ALDH16A1: variants seen among roughly 807,000 people sequenced by gnomAD.
ALDH16A1 encodes the protein aldehyde dehydrogenase 16 family member A1, also known as aldehyde dehydrogenase family 16 member A1.
In ALDH16A1, 88 loss-of-function variants were observed where a neutral mutation model predicts 96.1. The ratio of observed to expected loss-of-function variants is 0.92; its 90% CI spans 0.77 to 1.09. The LOEUF is 1.09. Ranked by LOEUF, ALDH16A1 falls within the 50% of genes least tolerant of loss-of-function variation. The pLI, the probability that ALDH16A1 is intolerant of heterozygous loss-of-function variation, is 0.00. For synonymous variants in ALDH16A1, 522 were observed against 496.4 expected (o/e 1.05, Z -0.69); for missense variants, 1,250 against 1,112.6 (o/e 1.12, Z -1.76).
intron 10 of ALDH16A1, 64 bp from the exon 11 acceptor site, chr19:49,464,353 T>C: frequency 6.4e-7 from 1 of 1,564,850 alleles, no homozygotes; most frequent in South Asian, 1.2e-5. Flanking sequence ...CGCCTTTAAC[T>C]CACCCCTCTC....
chr19:49,468,681 G>A lies in ALDH16A1; in HGVS notation c.2124+115G>A. The A allele has an allele frequency of 7.1e-7, 1 of 1,410,158 alleles. No individual in the cohort carries two copies. The highest frequency in any genetic ancestry group is 9.6e-7 in the Non-Finnish European group (1 of 1,042,028). 87.4% of individuals were successfully genotyped at this position (1,410,158 alleles called of 1,614,324 possible). On this transcript the variant is annotated intron_variant, in intron 15 of 16. Coordinates refer to ENST00000293350, the MANE Select transcript of ALDH16A1 (RefSeq NM_153329.4). The surrounding 1 kb of genome is among the most constrained non-coding windows in gnomAD (Gnocchi z 4.4). Reference sequence around the variant, plus strand: ...CCCCACCCTCCGTGGTACCCATGCTGCCCCCAGCCCCAGCACCCAAACCTT... The same window carrying A: ...CCCCACCCTCCGTGGTACCCATGCTACCCCCAGCCCCAGCACCCAAACCTT...
rs948679603 is a variant in ALDH16A1 at position 49,461,788 on chromosome 19, C to T, written c.747C>T (p.Cys249=). The T allele has an allele frequency of 6.2e-6, 10 of 1,610,570 alleles. No individual in the cohort carries two copies. The highest frequency in any genetic ancestry group is 8.5e-6 in the Non-Finnish European group (10 of 1,178,552). The change falls in exon 6 of 17, where the codon TGC becomes TGT. Residue 249 remains cysteine (C), a synonymous_variant. Transcript: ENST00000293350. ...SQPGIRKVAF[C]GAPEEGRALR... ...CTGGAATCCGGAAGGTGGCCTTCTG[C>T]GGAGCCCCGGAGGTACCTTCGGGAC... is the stretch of plus-strand genomic sequence containing the variant.
chr19:49,468,500 C>T lies in ALDH16A1; in HGVS notation c.2058C>T (p.Ala686=), dbSNP rs142507085. The change falls in exon 15 of 17, where the codon GCC becomes GCT. Residue 686 remains alanine, a synonymous_variant. Transcript: ENST00000293350. This position sits in a 1 kb window ranked among gnomAD's most constrained non-coding sequence, Gnocchi z 4.4. ...AFVSLLAPAL[A]YGNTVVMVPS... is the part of the protein sequence containing the mutation. ...TGTCCCTGCTGGCTCCCGCCCTGGC[C>T]TACGGCAACACTGTGGTCATGGTGC... 9 of 1,603,814 alleles carry T rather than the reference C, an allele frequency of 5.6e-6. No homozygotes were observed. Among genetic ancestry groups the T allele is most frequent in the Non-Finnish European group, 7.6e-6 (9 of 1,179,918 alleles).
rs752617351 is a variant in ALDH16A1, at chr19:49,460,848, A to G, written c.526A>G (p.Thr176Ala). Residue 176 changes from threonine to alanine, a missense_variant, in exon 5 of 17, where the codon ACA becomes GCA. Physicochemically the swap from Thr to Ala is moderately conservative, Grantham distance 58. Coordinates refer to ENST00000293350, the MANE Select transcript of ALDH16A1 (RefSeq NM_153329.4). ...MGVIGLILPP[T>A]FSFLEMMWRI... ...AGTAATTGGCCTCATCCTGCCACCC[A>G]CATTCTCCTTCCTTGAGATGATGTG... is the stretch of plus-strand genomic sequence containing the variant. The G allele has an allele frequency of 8.1e-6, 13 of 1,612,662 alleles. No homozygotes were observed. In the East Asian group the frequency reaches 2.2e-4, roughly 28 times the overall value.
chr19:49,465,240 G>C (rs2122412267), intron 12 of ALDH16A1, among the ~76,000 whole-genome samples: 1 of 151,886 alleles, frequency 6.6e-6, no homozygotes, highest in African/African-American at 2.4e-5. Flanking sequence ...TCCTCCAGAG[G>C]CTCATGGGAG....
chr19:49,461,091 C>CT (rs1308655218), intron 5 of ALDH16A1, among the ~76,000 whole-genome samples, 192 bp downstream of exon 5: 1 of 147,304 alleles, frequency 6.8e-6, no homozygotes, highest in Non-Finnish European at 1.5e-5. Context: ...ACTCCTGAGT[C>CT]TGAGGGAGGA....
chr19:49,455,508 G>C (rs1202143950), intron 1 of ALDH16A1, among the ~76,000 whole-genome samples: 1 of 150,420 alleles, frequency 6.6e-6, no homozygotes, highest in Non-Finnish European at 1.5e-5. Context: ...CCGGGAGGCT[G>C]AGGTGGGAGG....
rs776606895 is a variant in ALDH16A1 at position 49,464,468 on chromosome 19, G to A, written c.1383G>A (p.Ser461=). ...WINAHGLRDP[S]VPTGGCKESG... ...ACGCCCACGGCCTCAGAGACCCTTCGGTGCCCACAGGCGGCTGCAAGGAGA... is the reference window on the plus strand; with the variant it reads ...ACGCCCACGGCCTCAGAGACCCTTCAGTGCCCACAGGCGGCTGCAAGGAGA... Residue 461 remains serine, a synonymous_variant, in exon 11 of 17, where the codon TCG becomes TCA. Coordinates refer to ENST00000293350, the MANE Select transcript of ALDH16A1 (RefSeq NM_153329.4). 8.1e-6 allele frequency: 13 copies of A among 1,612,226 alleles called. No homozygotes were observed. The East Asian group carries it at 1.6e-4, about 19-fold the overall frequency.
chr19:49,468,658 C>G lies in ALDH16A1; in HGVS notation c.2124+92C>G. Reference sequence around the variant, plus strand: ...AGTCGGCAGGAGCTTGTCTCTTACCCCACCCTCCGTGGTACCCATGCTGCC... The same window carrying G: ...AGTCGGCAGGAGCTTGTCTCTTACCGCACCCTCCGTGGTACCCATGCTGCC... On this transcript the variant is annotated intron_variant, in intron 15 of 16. Transcript: ENST00000293350. The surrounding 1 kb of genome is among the most constrained non-coding windows in gnomAD (Gnocchi z 4.4). The G allele has an allele frequency of 6.7e-7, 1 of 1,494,656 alleles. No individual in the cohort carries two copies. Among genetic ancestry groups the G allele is most frequent in the Non-Finnish European group, 9.0e-7 (1 of 1,106,906 alleles). The allele number at this position is 1,494,656 out of a possible 1,614,324, so 92.6% of individuals were successfully genotyped here. A position where few individuals can be genotyped will look rare whatever the true frequency, so the allele number is the denominator to read the frequency against.
chr19:49,461,869 G>A lies in ALDH16A1; in HGVS notation c.760-15G>A, dbSNP rs187190066. ...GCAAGGCTCCTCCTGCGGCTGAACT[G>A]GGGGGGGTCCCTAGGAAGGGCGTGC... On this transcript the variant is annotated splice_polypyrimidine_tract_variant and intron_variant, in intron 6 of 16. Coordinates refer to ENST00000293350, the MANE Select transcript of ALDH16A1 (RefSeq NM_153329.4). The A allele has an allele frequency of 6.4e-7, 1 of 1,571,364 alleles. No individual in the cohort carries two copies. The highest frequency in any genetic ancestry group is 8.6e-7 in the Non-Finnish European group (1 of 1,162,294).
chr19:49,462,094 A>C, intron 7 of ALDH16A1, 58 bp downstream of exon 7: 4 of 1,472,234 alleles, frequency 2.7e-6, no homozygotes, highest in Non-Finnish European at 3.6e-6. Context: ...GTCTGTCTCC[A>C]GTCTTCGGGG....
At position 49,465,133 on chromosome 19, in the gene ALDH16A1, C is replaced by A. The variant is rs561906253; in HGVS notation, c.1568+371C>A. ...CTCATGGGAGCAGGAGTTTGAGGTC[C>A]CCCCAGAGACTCAAGGGAGCAGTTT... On this transcript the variant is annotated intron_variant, in intron 12 of 16. Transcript: ENST00000293350. Among the ~76,000 whole-genome samples the A allele has an allele frequency of 2.7e-5, 4 of 150,620 alleles. No homozygotes were observed. The South Asian group carries it at 8.4e-4, about 32-fold the overall frequency.
Position 49,468,359 on chromosome 19 carries a change from C to T in ALDH16A1, c.1939-22C>T, listed in dbSNP as rs772248287. 1.1e-5 allele frequency: 17 copies of T among 1,594,846 alleles called. No individual in the cohort carries two copies. The highest frequency in any genetic ancestry group is 1.3e-5 in the African/African-American group (1 of 74,780). On this transcript the variant is annotated intron_variant, in intron 14 of 16. Transcript: ENST00000293350. The surrounding 1 kb of genome is among the most constrained non-coding windows in gnomAD (Gnocchi z 4.4). The stretch of plus-strand genomic sequence containing the variant: ...GCGGGCGGGGCTCCCCTGCCCCACA[C>T]GTGACCCACCTGTCCCTGCAGGTAG...
Position 49,468,595 on chromosome 19 carries a change from T to C in ALDH16A1, c.2124+29T>C. 2 of 1,597,444 alleles carry C rather than the reference T, an allele frequency of 1.3e-6. No homozygotes were observed. The highest frequency in any genetic ancestry group is 1.7e-6 in the Non-Finnish European group (2 of 1,177,166). ...TAGCCCCCTGCCTTCCTGCCTCTCC[T>C]CCCCGTAGCCTCAGGGCAGCAGAAA... On this transcript the variant is annotated intron_variant, in intron 15 of 16. Coordinates refer to ENST00000293350, the MANE Select transcript of ALDH16A1 (RefSeq NM_153329.4). This position sits in a 1 kb window ranked among gnomAD's most constrained non-coding sequence, Gnocchi z 4.4.
Position 49,471,031 on chromosome 19 carries a change from A to G in ALDH16A1, c.*564A>G, listed in dbSNP as rs1360816642. The G allele has an allele frequency of 6.6e-6, 1 of 152,168 alleles. No individual in the cohort carries two copies. The highest frequency in any genetic ancestry group is 1.5e-5 in the Non-Finnish European group (1 of 68,036). 9.4% of individuals were successfully genotyped at this position (152,168 alleles called of 1,614,324 possible). Reference sequence around the variant, plus strand: ...ATGCAGTAAAGGAACTCTCTGGAATAAAATTAAAGTCCTCCTATATGACTT... The same window carrying G: ...ATGCAGTAAAGGAACTCTCTGGAATGAAATTAAAGTCCTCCTATATGACTT... On this transcript the variant is annotated 3_prime_UTR_variant, in exon 17 of 17. Coordinates refer to ENST00000293350, the MANE Select transcript of ALDH16A1 (RefSeq NM_153329.4).
At chr19:49,461,036 C>T (rs1215090967) in intron 5 of ALDH16A1, 137 bp downstream of exon 5, 18 of 845,522 alleles carry the variant, frequency 2.1e-5, no homozygotes, top group South Asian at 1.1e-4. Flanking sequence ...GGAGGGGCTG[C>T]GGGTCTGAAC....
intron 2 of ALDH16A1, 38 bp from the exon 3 acceptor site, chr19:49,458,922 T>C (rs774421217): frequency 1.2e-4 from 185 of 1,599,352 alleles, no homozygotes; most frequent in Non-Finnish European, 1.4e-4. Flanking sequence ...TGACATGGGC[T>C]ACTCCTCCCA....
rs1213458951 is a variant in ALDH16A1 at position 49,464,424 on chromosome 19, G to A, written c.1339G>A (p.Val447Met). The A allele has an allele frequency of 6.2e-7, 1 of 1,601,516 alleles. No homozygotes were observed. The highest frequency in any genetic ancestry group is 2.3e-5 in the East Asian group (1 of 44,406). ...CCTTCATCTTCCCCACAGGCTCCAGGTGGGCACTGTCTGGATCAACGCCCA... is the reference window on the plus strand; with the variant it reads ...CCTTCATCTTCCCCACAGGCTCCAGATGGGCACTGTCTGGATCAACGCCCA... ...QALELGYGLQ[V>M]GTVWINAHGL... Residue 447 changes from valine (V) to methionine (M), a missense_variant, in exon 11 of 17, where the codon GTG (valine) becomes ATG (methionine). Transcript: ENST00000293350.
At chr19:49,456,846 G>A (rs1897588327) in intron 1 of ALDH16A1, among the ~76,000 whole-genome samples, 1 of 152,182 alleles carries the variant, frequency 6.6e-6, no homozygotes, top group Non-Finnish European at 1.5e-5. Flanking sequence ...AGTGGCTCAT[G>A]CTTGTAATCC....
Sources: gnomAD v4.1 joint callset for allele counts (sites outside exome capture counted in the v4.1 genomes callset) on GRCh38, gnomAD v4.1.1 for gene constraint, Gnocchi (gnomAD v3.1) non-coding constraint, MANE v1.5 for transcripts, NCBI Gene and HGNC (gene_info 2026-07-23, HGNC 2026-07-21) for gene names.